ERC2: variants seen among roughly 807,000 people sequenced by gnomAD.
ERC2 encodes ELKS/RAB6-interacting/CAST family member 2, also known as ERC protein 2.
A neutral mutation model predicts 114.8 loss-of-function variants in ERC2; 42 were observed. The ratio of observed to expected loss-of-function variants is 0.37; its 90% CI spans 0.29 to 0.47. ERC2 has a LOEUF of 0.47. ERC2 is among the 20% of genes least tolerant of loss of function. ERC2 has a pLI of 0.99. For synonymous variants in ERC2, 454 were observed against 425.5 expected (o/e 1.07, Z -0.82); for missense variants, 939 against 1,150.7 (o/e 0.82, Z 2.66).
At chr3:56,015,317 A>C (rs970520820) in intron 8 of ERC2, among the ~76,000 whole-genome samples, 4 of 152,104 alleles carry the variant, frequency 2.6e-5, no homozygotes, top group African/African-American at 9.7e-5. Context: ...TCACCTAGGT[A>C]TTAAGCTCAG....
intron 13 of ERC2, among the ~76,000 whole-genome samples, chr3:55,895,026 C>G (rs1047235992): frequency 6.6e-6 from 1 of 152,138 alleles, no homozygotes. Flanking sequence ...TCAAAACTGC[C>G]CATTCTTTAA....
At chr3:56,231,483 A>G (rs912911437) in intron 3 of ERC2, among the ~76,000 whole-genome samples, 3 of 152,364 alleles carry the variant, frequency 2.0e-5, no homozygotes, top group Non-Finnish European at 4.4e-5. Flanking sequence ...CCATTGTGGC[A>G]TTCCCTCAAC....
Position 55,514,860 on chromosome 3 carries a change from G to A in ERC2, c.*40-3584C>T, listed in dbSNP as rs1387308572. Among the ~76,000 whole-genome samples the A allele has an allele frequency of 7.2e-5, 11 of 152,302 alleles. No individual in the cohort carries two copies. In the East Asian group the frequency reaches 2.1e-3, roughly 29 times the overall value. On this transcript the variant is annotated intron_variant, in intron 17 of 17. Transcript: ENST00000288221. ...TTCTGACCTATGCACAAAACTGTAA[G>A]CTAATAAATGGGTGCTATTTTCACC...
intron 12 of ERC2, among the ~76,000 whole-genome samples, chr3:55,960,358 A>G (rs2068274182): frequency 6.6e-6 from 1 of 152,112 alleles, no homozygotes; most frequent in Admixed American, 6.5e-5. Flanking sequence ...TTCCCACTGG[A>G]AGGTATAGGC....
intron 6 of ERC2, among the ~76,000 whole-genome samples, chr3:56,092,627 G>T (rs1287078556): frequency 1.3e-5 from 2 of 152,004 alleles, no homozygotes; most frequent in Non-Finnish European, 2.9e-5. Flanking sequence ...TAATATTTTT[G>T]AATTACTACA....
intron 7 of ERC2, among the ~76,000 whole-genome samples, chr3:56,065,871 C>G (rs1432899069): frequency 2.6e-5 from 4 of 152,136 alleles, no homozygotes; most frequent in Admixed American, 2.6e-4. Flanking sequence ...CTGCAAAGGA[C>G]ATGATTTCAT....
chr3:55,976,252 T>C (rs1312216677), intron 12 of ERC2, among the ~76,000 whole-genome samples: 1 of 152,194 alleles, frequency 6.6e-6, no homozygotes, highest in Non-Finnish European at 1.5e-5. Context: ...GAAAATTATA[T>C]TCCTTCTGGG....
At chr3:55,828,527 C>T (rs898311932) in intron 14 of ERC2, among the ~76,000 whole-genome samples, 1 of 120,170 alleles carries the variant, frequency 8.3e-6, no homozygotes, top group Admixed American at 7.8e-5. Flanking sequence ...AGAAAAATCC[C>T]GTCCTTCTAT....
chr3:55,773,876 T>C (rs1305726691), intron 14 of ERC2, among the ~76,000 whole-genome samples: 1 of 152,166 alleles, frequency 6.6e-6, no homozygotes, highest in Non-Finnish European at 1.5e-5. Flanking sequence ...GGAACAGAGA[T>C]TATAGAGGGA....
chr3:56,347,570 G>T (rs548383553), intron 2 of ERC2, among the ~76,000 whole-genome samples: 88 of 152,072 alleles, frequency 5.8e-4, no homozygotes, highest in African/African-American at 2.0e-3. Context: ...TCTGGAACCA[G>T]CCTCATTGTG....
intron 17 of ERC2, among the ~76,000 whole-genome samples, chr3:55,682,620 C>T (rs2062113810): frequency 6.6e-6 from 1 of 152,174 alleles, no homozygotes; most frequent in South Asian, 2.1e-4. Context: ...ACCTGCCATG[C>T]TATTTGAAGG....
chr3:55,755,386 C>G (rs778245145), intron 14 of ERC2, among the ~76,000 whole-genome samples: 2 of 152,000 alleles, frequency 1.3e-5, no homozygotes, highest in Non-Finnish European at 2.9e-5. Context: ...AGTGATACTC[C>G]AAAGCATGAG....
At chr3:55,824,832 A>G (rs2060265245) in intron 14 of ERC2, among the ~76,000 whole-genome samples, 1 of 152,210 alleles carries the variant, frequency 6.6e-6, no homozygotes. Context: ...ATTTAAATGA[A>G]CATTGAATGG....
chr3:56,455,818 A>G (rs141400367), intron 1 of ERC2, among the ~76,000 whole-genome samples: 44 of 152,348 alleles, frequency 2.9e-4, no homozygotes, highest in African/African-American at 1.1e-3. Flanking sequence ...TTTAAATAAC[A>G]TCTCTCATGA....
At chr3:55,603,265 A>T (rs1330011883) in intron 17 of ERC2, among the ~76,000 whole-genome samples, 1 of 152,200 alleles carries the variant, frequency 6.6e-6, no homozygotes, top group African/African-American at 2.4e-5. Flanking sequence ...AGAGCTAGAG[A>T]TAGTCAAAAC....
intron 17 of ERC2, among the ~76,000 whole-genome samples, chr3:55,677,104 C>T (rs1165769286): frequency 6.6e-6 from 1 of 152,158 alleles, no homozygotes; most frequent in Admixed American, 6.5e-5. Flanking sequence ...ACATTATTAT[C>T]CTTTTCTCTC....
chr3:56,126,905 G>T (rs1443105984), intron 6 of ERC2, among the ~76,000 whole-genome samples: 1 of 151,820 alleles, frequency 6.6e-6, no homozygotes, highest in Non-Finnish European at 1.5e-5. Context: ...GCAGGGAAGG[G>T]CAGGGCAGGG....
At position 56,409,265 on chromosome 3, in the gene ERC2, TTTTG is replaced by T. The variant is rs138994874; in HGVS notation, c.657+25082_657+25085del. Among the ~76,000 whole-genome samples, 337 of 152,288 alleles carry T rather than the reference TTTTG, an allele frequency of 2.2e-3. 2 individuals carry two copies. The East Asian group carries it at 0.052, about 24-fold the overall frequency. ...GCATTAATTATGTGCAGGGTTTTGT[TTTTG>T]TTTGTTTGTTTTATATTTAAAAAAA... On this transcript the variant is annotated intron_variant, in intron 2 of 17. Coordinates refer to ENST00000288221, the MANE Select transcript of ERC2 (RefSeq NM_015576.3).
chr3:55,989,732 T>C (rs1273586660), intron 11 of ERC2, among the ~76,000 whole-genome samples: 1 of 152,226 alleles, frequency 6.6e-6, no homozygotes, highest in African/African-American at 2.4e-5. Context: ...ATGAGAATAA[T>C]GACAGTTTCT....
Sources: allele counts gnomAD v4.1 joint callset (sites outside exome capture counted in the v4.1 genomes callset), GRCh38; gene constraint gnomAD v4.1.1; transcripts MANE v1.5; gene names NCBI Gene and HGNC (gene_info 2026-07-23, HGNC 2026-07-21).